The following KIAA1958 variants were observed in gnomAD, a reference collection of about 807,000 sequenced individuals.
KIAA1958 encodes uncharacterized protein KIAA1958.
KIAA1958 carries 14 observed loss-of-function variants against 47.2 expected under a neutral mutation model. The observed-to-expected ratio is 0.30, with a 90% CI of 0.20 to 0.46. The LOEUF is 0.46. KIAA1958 is among the 20% of genes least tolerant of loss of function. The pLI is 1.00. For missense variants in KIAA1958, 803 were observed against 909.2 expected (o/e 0.88, Z 1.50); for synonymous variants, 354 against 353.3 (o/e 1.00, Z -0.02).
At position 112,618,957 on chromosome 9, in the gene KIAA1958, CG is replaced by C; in HGVS notation, c.1172-26691del. ...AAGACTCCAGTTTGGTTACTGTGTC[CG>C]GAGAAACTGTGATTATACACCGCTT... On this transcript the variant is annotated intron_variant, in intron 2 of 3. Transcript: ENST00000337530. This position sits in a 1 kb window ranked among gnomAD's most constrained non-coding sequence, Gnocchi z 7.1. 1 of 1,487,686 alleles carries C rather than the reference CG, an allele frequency of 6.7e-7. No homozygotes were observed. The highest frequency in any genetic ancestry group is 1.3e-5 in the South Asian group (1 of 74,530). 92.2% of individuals were successfully genotyped at this position (1,487,686 alleles called of 1,614,324 possible).
intron 1 of KIAA1958, among the ~76,000 whole-genome samples, chr9:112,508,834 T>C (rs1834275771): frequency 6.6e-6 from 1 of 152,226 alleles, no homozygotes; most frequent in African/African-American, 2.4e-5. Flanking sequence ...ATAAGATTAT[T>C]TGGCCCTGCT....
intron 2 of KIAA1958, among the ~76,000 whole-genome samples, chr9:112,639,542 A>G (rs1452796047): frequency 6.6e-6 from 1 of 152,100 alleles, no homozygotes. Context: ...GACTCTTCAC[A>G]CAGGGCCTCT....
In KIAA1958 at chr9:112,659,454, G is replaced by T; in HGVS notation, c.1536G>T (p.Glu512Asp). The change falls in exon 4 of 4, where the codon GAG becomes GAT. Residue 512 changes from glutamate (E) to aspartate (D), a missense_variant. Coordinates refer to ENST00000337530, the MANE Select transcript of KIAA1958 (RefSeq NM_133465.4). Reference protein sequence around the residue: ...TFSSSTKKLKEKLWVLSKAGM... With the variant: ...TFSSSTKKLKDKLWVLSKAGM... ...GCTCCTCCACCAAGAAACTCAAGGA[G>T]AAGCTGTGGGTGCTGAGTAAGGCAG... 1 of 1,614,072 alleles carries T rather than the reference G, an allele frequency of 6.2e-7. No individual in the cohort carries two copies. Among genetic ancestry groups the T allele is most frequent in the South Asian group, 1.1e-5 (1 of 91,050 alleles).
chr9:112,618,273 A>C lies in KIAA1958; in HGVS notation c.1172-27377A>C. The C allele has an allele frequency of 6.4e-7, 1 of 1,550,954 alleles. No homozygotes were observed. Among genetic ancestry groups the C allele is most frequent in the Middle Eastern group, 1.7e-4 (1 of 5,994 alleles). On this transcript the variant is annotated intron_variant, in intron 2 of 3. Coordinates refer to ENST00000337530, the MANE Select transcript of KIAA1958 (RefSeq NM_133465.4). This position sits in a 1 kb window ranked among gnomAD's most constrained non-coding sequence, Gnocchi z 7.1. ...TCCATGAAGCTCACCTTTGCTGACGAGCTCATCCTGCGGAAAAGGGGACTG... is the reference window on the plus strand; with the variant it reads ...TCCATGAAGCTCACCTTTGCTGACGCGCTCATCCTGCGGAAAAGGGGACTG...
intron 2 of KIAA1958, among the ~76,000 whole-genome samples, chr9:112,585,692 AG>A (rs1274812585): frequency 6.6e-6 from 1 of 152,200 alleles, no homozygotes; most frequent in Non-Finnish European, 1.5e-5. Flanking sequence ...AGGAGGAGAC[AG>A]GCAGGTGTTT....
At chr9:112,527,178 A>C (rs1454898204) in intron 1 of KIAA1958, among the ~76,000 whole-genome samples, 1 of 152,218 alleles carries the variant, frequency 6.6e-6, no homozygotes, top group Non-Finnish European at 1.5e-5. Flanking sequence ...TATTTACCAT[A>C]AATCACAAGA....
chr9:112,493,603 A>G (rs986633234), intron 1 of KIAA1958, among the ~76,000 whole-genome samples: 2 of 152,004 alleles, frequency 1.3e-5, no homozygotes, highest in Admixed American at 1.3e-4. Context: ...TTACCTTTGC[A>G]TTAGTCTTAG....
chr9:112,669,152 G>T lies in KIAA1958; in HGVS notation c.*9083G>T, dbSNP rs556992194. On this transcript the variant is annotated 3_prime_UTR_variant, in exon 4 of 4. Transcript: ENST00000337530. ...CCTGTGCATACATCCCTGTGCATGT[G>T]GGGGCACATGAGTGGGAAAGTGGGT... 1 of 152,334 alleles carries T rather than the reference G, an allele frequency of 6.6e-6. No individual in the cohort carries two copies. Among genetic ancestry groups the T allele is most frequent in the East Asian group, 1.9e-4 (1 of 5,186 alleles). The allele number at this position is 152,334 out of a possible 1,614,324, so 9.4% of individuals were successfully genotyped here.
intron 3 of KIAA1958, among the ~76,000 whole-genome samples, chr9:112,648,835 A>G (rs1837016153): frequency 2.6e-5 from 4 of 152,254 alleles, no homozygotes; most frequent in Admixed American, 2.0e-4. Flanking sequence ...TCTAGCATCT[A>G]AACAAAAATT....
intron 1 of KIAA1958, 106 bp downstream of exon 1, chr9:112,487,224 T>C: frequency 5.8e-6 from 1 of 173,484 alleles, no homozygotes; most frequent in Non-Finnish European, 1.2e-5. Context: ...CGACTCTGCT[T>C]CCCCGTCAGC....
chr9:112,515,894 TAAAAAA>T (rs58492221), intron 1 of KIAA1958, among the ~76,000 whole-genome samples: 2 of 97,126 alleles, frequency 2.1e-5, no homozygotes, highest in African/African-American at 8.1e-5. Flanking sequence ...AAAAATAAAT[TAAAAAA>T]AAAAAAAAAA....
chr9:112,553,948 T>C (rs1293338328), intron 1 of KIAA1958, among the ~76,000 whole-genome samples: 2 of 152,162 alleles, frequency 1.3e-5, no homozygotes, highest in South Asian at 2.1e-4. Flanking sequence ...CAATAAGATA[T>C]AATTTCACCT....
intron 2 of KIAA1958, among the ~76,000 whole-genome samples, chr9:112,605,347 G>T (rs1045522485): frequency 1.3e-5 from 2 of 152,096 alleles, no homozygotes; most frequent in Non-Finnish European, 2.9e-5. Flanking sequence ...GTGAAGTGGT[G>T]GTTGACTTGG....
At chr9:112,543,990 A>G (rs545595058) in intron 1 of KIAA1958, among the ~76,000 whole-genome samples, 7 of 151,994 alleles carry the variant, frequency 4.6e-5, no homozygotes, top group Non-Finnish European at 8.8e-5. Flanking sequence ...TTTTCCTTTT[A>G]TTTGTATTGC....
chr9:112,628,069 A>G (rs1297743834), intron 2 of KIAA1958, among the ~76,000 whole-genome samples: 1 of 152,222 alleles, frequency 6.6e-6, no homozygotes, highest in African/African-American at 2.4e-5. Context: ...TACTCTTAAA[A>G]TGAGTGGGGG....
intron 2 of KIAA1958, among the ~76,000 whole-genome samples, chr9:112,579,512 A>C (rs962006881): frequency 2.2e-4 from 34 of 152,008 alleles, no homozygotes; most frequent in Non-Finnish European, 2.9e-5. Flanking sequence ...AATAATTCTC[A>C]TTCTCCGCTG....
At chr9:112,623,438 T>A (rs1836546059) in intron 2 of KIAA1958, among the ~76,000 whole-genome samples, 1 of 152,220 alleles carries the variant, frequency 6.6e-6, no homozygotes, top group African/African-American at 2.4e-5. Flanking sequence ...ACTCTCTTTT[T>A]CTGCTGTAGC....
intron 1 of KIAA1958, among the ~76,000 whole-genome samples, chr9:112,504,873 T>G (rs531463391): frequency 1.1e-4 from 17 of 152,314 alleles, no homozygotes; most frequent in Non-Finnish European, 2.4e-4. Flanking sequence ...TGTTAACATG[T>G]GTATAATGCG....
intron 1 of KIAA1958, among the ~76,000 whole-genome samples, chr9:112,567,729 TG>T (rs1364652459): frequency 6.6e-6 from 1 of 151,730 alleles, no homozygotes; most frequent in Non-Finnish European, 1.5e-5. Flanking sequence ...GAGGCCGAGG[TG>T]GGTGGATCAC....
Sources: gnomAD v4.1 joint callset for allele counts (sites outside exome capture counted in the v4.1 genomes callset) on GRCh38, gnomAD v4.1.1 for gene constraint, Gnocchi (gnomAD v3.1) non-coding constraint, MANE v1.5 for transcripts, NCBI Gene and HGNC (gene_info 2026-07-23, HGNC 2026-07-21) for gene names.